Variants in INSYN2B observed in about 807,000 individuals in gnomAD.
INSYN2B encodes the protein protein INSYN2B.
Under a neutral mutation model 41.2 loss-of-function variants are expected in INSYN2B, and 16 were observed. The observed-to-expected ratio is 0.39, with a 90% CI of 0.26 to 0.59. The LOEUF (loss-of-function observed/expected upper bound fraction) is 0.59, where lower values mean the gene tolerates loss of function less well. Among genes scored for constraint, INSYN2B ranks in the 20% least tolerant of loss-of-function variants. The probability of loss-of-function intolerance (pLI) is 0.57; values close to 1 mark genes in which losing one functional copy is unlikely to be tolerated. For synonymous variants in INSYN2B, 245 were observed against 244.4 expected, an observed-to-expected ratio of 1.00 and a Z score of -0.02; for missense variants, 608 against 646.4, an observed-to-expected ratio of 0.94 and a Z score of 0.64.
chr5:169,945,637 T>C (rs1178439231), intron 1 of INSYN2B, among the ~76,000 whole-genome samples: 1 of 152,318 alleles, frequency 6.6e-6, no homozygotes. Flanking sequence ...CTGGCTGAGC[T>C]GCATCTGCAG....
intron 3 of INSYN2B, among the ~76,000 whole-genome samples, chr5:169,877,035 G>C (rs539003610): frequency 1.3e-5 from 2 of 152,296 alleles, no homozygotes; most frequent in South Asian, 4.1e-4. Flanking sequence ...ATGGCATGGG[G>C]GTCCTTCTGG....
At chr5:169,945,462 T>G (rs913817308) in intron 1 of INSYN2B, among the ~76,000 whole-genome samples, 1 of 152,276 alleles carries the variant, frequency 6.6e-6, no homozygotes, top group Non-Finnish European at 1.5e-5. Flanking sequence ...AATTGAGCTG[T>G]TACTTCGTGC....
chr5:169,881,076 C>T (rs1178950323), intron 3 of INSYN2B, among the ~76,000 whole-genome samples: 1 of 152,062 alleles, frequency 6.6e-6, no homozygotes, highest in East Asian at 1.9e-4. Context: ...AGACCGAATG[C>T]CTTAACTTTC....
chr5:169,906,676 A>C (rs1040684659), intron 1 of INSYN2B, among the ~76,000 whole-genome samples: 1 of 152,132 alleles, frequency 6.6e-6, no homozygotes, highest in Non-Finnish European at 1.5e-5. Flanking sequence ...TGAAAGTCAC[A>C]TACCTGAGCT....
intron 1 of INSYN2B, among the ~76,000 whole-genome samples, chr5:169,912,768 C>A (rs1774675113): frequency 6.6e-6 from 1 of 151,782 alleles, no homozygotes; most frequent in African/African-American, 2.4e-5. Flanking sequence ...GAGGATCAAA[C>A]ATAGCAGGGT....
intron 1 of INSYN2B, among the ~76,000 whole-genome samples, chr5:169,963,660 C>G (rs1208316555): frequency 6.6e-6 from 1 of 152,138 alleles, no homozygotes; most frequent in African/African-American, 2.4e-5. Flanking sequence ...TAACCCACCC[C>G]CTCACCCAGT....
Position 169,914,886 on chromosome 5 carries a change from A to C in INSYN2B, c.-918-30070T>G, listed in dbSNP as rs373516281. Reference sequence around the variant, plus strand: ...CTACAAAGTCCCTTCACAGACTGACATAACTGTTGTTGTCTGGCTTCCTGT... The same window carrying C: ...CTACAAAGTCCCTTCACAGACTGACCTAACTGTTGTTGTCTGGCTTCCTGT... On this transcript the variant is annotated intron_variant, in intron 1 of 3. Transcript: ENST00000377365. Among the ~76,000 whole-genome samples the C allele has an allele frequency of 3.6e-3, 555 of 152,364 alleles. 35 individuals carry two copies. In the South Asian group the frequency reaches 0.11, roughly 30 times the overall value.
At chr5:169,893,297 G>A (rs1371624637) in intron 1 of INSYN2B, among the ~76,000 whole-genome samples, 2 of 152,102 alleles carry the variant, frequency 1.3e-5, no homozygotes, top group Non-Finnish European at 2.9e-5. Context: ...TTTCTCCAGG[G>A]GAAAGCCTTT....
At chr5:169,893,316 C>T (rs1024847301) in intron 1 of INSYN2B, among the ~76,000 whole-genome samples, 3 of 152,166 alleles carry the variant, frequency 2.0e-5, no homozygotes, top group Non-Finnish European at 2.9e-5. Flanking sequence ...TTACTACCAC[C>T]AGATGCAACT....
intron 1 of INSYN2B, among the ~76,000 whole-genome samples, chr5:169,901,896 G>A (rs544219921): frequency 1.7e-4 from 26 of 152,254 alleles, no homozygotes; most frequent in African/African-American, 4.8e-4. Flanking sequence ...CATGGTGGCC[G>A]CCTTGCAAGA....
chr5:169,870,749 T>C (rs1311872017), intron 3 of INSYN2B, among the ~76,000 whole-genome samples: 1 of 152,164 alleles, frequency 6.6e-6, no homozygotes, highest in East Asian at 1.9e-4. Context: ...TTTATCCTCA[T>C]GATAGCCCAG....
In INSYN2B at chr5:169,923,002, C is replaced by G. The variant is rs555070884; in HGVS notation, c.-918-38186G>C. ...GAATTTCTCTTATCGGTCCCACAGA[C>G]AGATATAATTTTACCGTATTTCACA... On this transcript the variant is annotated intron_variant, in intron 1 of 3. Transcript: ENST00000377365. Among the ~76,000 whole-genome samples, 113 of 152,334 alleles carry G rather than the reference C, an allele frequency of 7.4e-4. 1 individual carries two copies. Among genetic ancestry groups the G allele is most frequent in the Admixed American group, 5.2e-3 (80 of 15,310 alleles).
At chr5:169,894,190 C>T (rs1773458480) in intron 1 of INSYN2B, among the ~76,000 whole-genome samples, 1 of 152,186 alleles carries the variant, frequency 6.6e-6, no homozygotes, top group Non-Finnish European at 1.5e-5. Flanking sequence ...ATTATCACTC[C>T]CATTTTGCAG....
chr5:169,938,272 T>C (rs1776081418), intron 1 of INSYN2B, among the ~76,000 whole-genome samples: 1 of 151,946 alleles, frequency 6.6e-6, no homozygotes, highest in Admixed American at 6.6e-5. Context: ...TCCTGGGATG[T>C]CCGTGTCCAA....
chr5:169,978,669 A>C (rs1777825880), intron 1 of INSYN2B, among the ~76,000 whole-genome samples: 1 of 151,970 alleles, frequency 6.6e-6, no homozygotes, highest in South Asian at 2.1e-4. Flanking sequence ...TTTCCTTTGG[A>C]GCTTCCAAGT....
At chr5:169,924,645 C>T (rs1008983018) in intron 1 of INSYN2B, among the ~76,000 whole-genome samples, 10 of 152,166 alleles carry the variant, frequency 6.6e-5, no homozygotes, top group Admixed American at 1.3e-4. Flanking sequence ...TATTAGCAAC[C>T]CCATCCTGCT....
intron 1 of INSYN2B, chr5:169,934,875 T>C (rs1775918523): frequency 2.7e-6 from 1 of 369,344 alleles, no homozygotes; most frequent in Non-Finnish European, 5.4e-6. Context: ...AAAACAACTT[T>C]AACCACCTTA....
At position 169,924,403 on chromosome 5, in the gene INSYN2B, A is replaced by G. The variant is rs75780240; in HGVS notation, c.-918-39587T>C. 4.3e-3 allele frequency among the ~76,000 whole-genome samples: 651 copies of G among 152,268 alleles called. 6 individuals are homozygous for G. The highest frequency in any genetic ancestry group is 6.0e-3 in the Non-Finnish European group (410 of 68,012). Reference sequence around the variant, plus strand: ...TCAGTTTCCTGGTATCCAAAGGCCCATTTTACTTCCTCCAACCATCCTGTC... The same window carrying G: ...TCAGTTTCCTGGTATCCAAAGGCCCGTTTTACTTCCTCCAACCATCCTGTC... On this transcript the variant is annotated intron_variant, in intron 1 of 3. Transcript: ENST00000377365.
At chr5:169,925,326 A>G (rs1320880421) in intron 1 of INSYN2B, among the ~76,000 whole-genome samples, 1 of 152,126 alleles carries the variant, frequency 6.6e-6, no homozygotes, top group Non-Finnish European at 1.5e-5. Context: ...TCCTGGTAAG[A>G]GCATCGTCTT....
Sources: allele counts gnomAD v4.1 joint callset (sites outside exome capture counted in the v4.1 genomes callset), GRCh38; gene constraint gnomAD v4.1.1; transcripts MANE v1.5; gene names NCBI Gene and HGNC (gene_info 2026-07-23, HGNC 2026-07-21).